Variants in HS3ST5 observed in about 807,000 individuals in gnomAD.
HS3ST5 encodes heparan sulfate-glucosamine 3-sulfotransferase 5.
In HS3ST5, 10 loss-of-function variants were observed where a neutral mutation model predicts 25.4. That is an observed-to-expected ratio of 0.39 (90% CI 0.24 to 0.67). HS3ST5 has a LOEUF of 0.67. Among genes scored for constraint, HS3ST5 ranks in the 30% least tolerant of loss-of-function variants. The pLI is 0.44. For synonymous variants in HS3ST5, 170 were observed against 162.4 expected (o/e 1.05, Z -0.36); for missense variants, 324 against 420.7 (o/e 0.77, Z 2.01).
rs1772097937 is a variant in HS3ST5, at chr6:114,241,132, G to GC, written c.-338-12355_-338-12354insG. On this transcript the variant is annotated intron_variant, in intron 1 of 4. Coordinates refer to ENST00000312719, the MANE Select transcript of HS3ST5 (RefSeq NM_153612.4). ...TGTTTATATATTTAAAGAAAAATCAGTTTTTTTTTTTTTTTTTTTTTTACT... is the reference window on the plus strand; with the variant it reads ...TGTTTATATATTTAAAGAAAAATCAGCTTTTTTTTTTTTTTTTTTTTTTACT... Among the ~76,000 whole-genome samples, 3 of 117,814 alleles carry GC rather than the reference G, an allele frequency of 2.5e-5. No homozygotes were observed. The South Asian group carries it at 9.0e-4, about 35-fold the overall frequency. 77.3% of individuals were successfully genotyped at this position (117,814 alleles called of 152,430 possible).
At chr6:114,314,495 G>A (rs1393662948) in intron 1 of HS3ST5, among the ~76,000 whole-genome samples, 1 of 152,168 alleles carries the variant, frequency 6.6e-6, no homozygotes, top group Admixed American at 6.5e-5. Flanking sequence ...GGTTAATGAA[G>A]TTTAACGTTT....
intron 2 of HS3ST5, among the ~76,000 whole-genome samples, chr6:114,221,209 G>C (rs1297712182): frequency 6.6e-6 from 1 of 151,738 alleles, no homozygotes; most frequent in Non-Finnish European, 1.5e-5. Context: ...AGGACTGGTA[G>C]GTAAGAATTT....
intron 3 of HS3ST5, among the ~76,000 whole-genome samples, chr6:114,163,516 A>T (rs1779072836): frequency 1.3e-5 from 2 of 152,192 alleles, no homozygotes; most frequent in African/African-American, 4.8e-5. Flanking sequence ...TTAGAACTTG[A>T]CAAGACCTGA....
At chr6:114,068,030 T>C (rs1773567697) in intron 3 of HS3ST5, among the ~76,000 whole-genome samples, 2 of 152,068 alleles carry the variant, frequency 1.3e-5, no homozygotes, top group African/African-American at 4.8e-5. Flanking sequence ...AAATGAAACA[T>C]AATTAATAGC....
intron 3 of HS3ST5, among the ~76,000 whole-genome samples, chr6:114,087,163 A>G (rs565108899): frequency 3.9e-5 from 6 of 152,104 alleles, no homozygotes; most frequent in African/African-American, 1.4e-4. Flanking sequence ...TCTTCCTCCA[A>G]TTCACCCTTA....
intron 3 of HS3ST5, among the ~76,000 whole-genome samples, chr6:114,067,406 A>C (rs868792050): frequency 6.6e-6 from 1 of 152,118 alleles, no homozygotes; most frequent in South Asian, 2.1e-4. Flanking sequence ...ACAGAATGTG[A>C]AGCCTGCTGA....
At chr6:114,129,445 C>T (rs985052661) in intron 3 of HS3ST5, among the ~76,000 whole-genome samples, 3 of 151,916 alleles carry the variant, frequency 2.0e-5, no homozygotes, top group Non-Finnish European at 2.9e-5. Context: ...TTAGTAGAGA[C>T]AGGGTTTCAT....
intron 2 of HS3ST5, among the ~76,000 whole-genome samples, chr6:114,171,533 T>C (rs1416738371): frequency 6.6e-6 from 1 of 152,170 alleles, no homozygotes; most frequent in Non-Finnish European, 1.5e-5. Flanking sequence ...CATTTGTCTA[T>C]TGATGATGAT....
chr6:114,296,095 T>C (rs911661017), intron 1 of HS3ST5, among the ~76,000 whole-genome samples: 14 of 152,178 alleles, frequency 9.2e-5, no homozygotes, highest in African/African-American at 3.4e-4. Flanking sequence ...ACTCACAAAA[T>C]TTACATTTCT....
At chr6:114,166,340 C>A (rs565986705) in intron 3 of HS3ST5, among the ~76,000 whole-genome samples, 19 of 152,202 alleles carry the variant, frequency 1.2e-4, no homozygotes, top group African/African-American at 4.6e-4. Flanking sequence ...TTCACATGCA[C>A]AAAGAAATAG....
intron 2 of HS3ST5, among the ~76,000 whole-genome samples, chr6:114,202,740 G>A (rs1781086258): frequency 6.6e-6 from 1 of 152,188 alleles, no homozygotes; most frequent in Non-Finnish European, 1.5e-5. Flanking sequence ...GGTAGATTCA[G>A]AGAGCTCTAT....
At chr6:114,288,531 A>G (rs1271521164) in intron 1 of HS3ST5, among the ~76,000 whole-genome samples, 2 of 151,720 alleles carry the variant, frequency 1.3e-5, no homozygotes, top group Non-Finnish European at 2.9e-5. Flanking sequence ...AGAGACTTGT[A>G]CCTTCCACTT....
At chr6:114,084,576 G>T in intron 3 of HS3ST5, 1 of 766,716 alleles carries the variant, frequency 1.3e-6, no homozygotes, top group South Asian at 1.3e-5. Context: ...TGCACGGGAT[G>T]GCAAAGTCCA....
chr6:114,134,524 A>G (rs1051478833), intron 3 of HS3ST5, among the ~76,000 whole-genome samples: 2 of 152,182 alleles, frequency 1.3e-5, no homozygotes, highest in Admixed American at 1.3e-4. Flanking sequence ...AGGAAGCAGG[A>G]CCTGCAGTGA....
intron 1 of HS3ST5, among the ~76,000 whole-genome samples, chr6:114,265,501 G>A (rs1309432240): frequency 1.3e-5 from 2 of 152,146 alleles, no homozygotes; most frequent in Admixed American, 6.5e-5. Flanking sequence ...CCTGGGTCAA[G>A]TTTGAAGATA....
intron 1 of HS3ST5, among the ~76,000 whole-genome samples, chr6:114,303,980 C>A (rs530090390): frequency 6.6e-6 from 1 of 152,078 alleles, no homozygotes; most frequent in African/African-American, 2.4e-5. Context: ...TGGTGTGATT[C>A]CATGTGGACC....
intron 3 of HS3ST5, among the ~76,000 whole-genome samples, chr6:114,071,930 C>T (rs1175439176): frequency 6.6e-6 from 1 of 151,822 alleles, no homozygotes; most frequent in East Asian, 1.9e-4. Flanking sequence ...TGTGAGAAGC[C>T]CCCACCTGAC....
intron 2 of HS3ST5, among the ~76,000 whole-genome samples, chr6:114,186,312 GC>G (rs1428174568): frequency 6.6e-6 from 1 of 151,992 alleles, no homozygotes; most frequent in African/African-American, 2.4e-5. Context: ...TGCAAGCAAA[GC>G]AAAAAGTTCT....
At chr6:114,087,505 G>A (rs753392957) in intron 3 of HS3ST5, among the ~76,000 whole-genome samples, 6 of 152,194 alleles carry the variant, frequency 3.9e-5, no homozygotes, top group Non-Finnish European at 8.8e-5. Flanking sequence ...TGGCCTGTAC[G>A]TCTATGAATC....
Sources: gnomAD v4.1 joint callset for allele counts (sites outside exome capture counted in the v4.1 genomes callset) on GRCh38, gnomAD v4.1.1 for gene constraint, MANE v1.5 for transcripts, NCBI Gene and HGNC (gene_info 2026-07-23, HGNC 2026-07-21) for gene names.